The following JOSD1 variants were observed in gnomAD, a reference collection of about 807,000 sequenced individuals.
JOSD1 encodes the protein josephin-1.
A neutral mutation model predicts 24.3 loss-of-function variants in JOSD1; 11 were observed. The observed-to-expected ratio is 0.45, with a 90% CI of 0.29 to 0.75. The LOEUF (loss-of-function observed/expected upper bound fraction) is 0.75, where lower values mean the gene tolerates loss of function less well. Ranked by LOEUF, JOSD1 falls within the 30% of genes least tolerant of loss-of-function variation. The pLI is 0.11. For synonymous variants in JOSD1, 106 were observed against 93.8 expected (o/e 1.13, Z -0.75); for missense variants, 184 against 253.5 (o/e 0.73, Z 1.86).
At position 38,688,412 on chromosome 22, in the gene JOSD1, G is replaced by A. The variant is rs142975900; in HGVS notation, c.510-411C>T. On this transcript the variant is annotated intron_variant, in intron 4 of 4. Transcript: ENST00000683374. ...TGACCAGCTGGGATTACAGGCGTCC[G>A]CCACCACGCCTGGCTAATTTTTGTA... Among the ~76,000 whole-genome samples, 187 of 152,208 alleles carry A rather than the reference G, an allele frequency of 1.2e-3. 1 individual carries two copies. The highest frequency in any genetic ancestry group is 0.012 in the East Asian group (63 of 5,170).
intron 2 of JOSD1, among the ~76,000 whole-genome samples, chr22:38,692,696 G>A (rs539688013): frequency 2.2e-3 from 331 of 147,240 alleles, no homozygotes; most frequent in South Asian, 4.0e-3. Flanking sequence ...CAGGAGGATC[G>A]CTTGAACCCG....
chr22:38,692,126 T>C lies in JOSD1; in HGVS notation c.186-2702A>G, dbSNP rs555638427. On this transcript the variant is annotated intron_variant, in intron 2 of 4. Transcript: ENST00000683374. ...TACCTGTAATAATAACTATAACTTATTGAAAAATCTCTGTGCCAAGCACTA... is the reference window on the plus strand; with the variant it reads ...TACCTGTAATAATAACTATAACTTACTGAAAAATCTCTGTGCCAAGCACTA... Among the ~76,000 whole-genome samples, 4 of 152,320 alleles carry C rather than the reference T, an allele frequency of 2.6e-5. No homozygotes were observed. The East Asian group carries it at 7.7e-4, about 29-fold the overall frequency.
At chr22:38,699,686 G>A in intron 2 of JOSD1, 117 bp downstream of exon 2, 1 of 968,618 alleles carries the variant, frequency 1.0e-6, no homozygotes. Context: ...CCTTATACCT[G>A]CTAACGCAAT....
At chr22:38,698,155 C>G (rs1240293799) in intron 2 of JOSD1, among the ~76,000 whole-genome samples, 1 of 152,154 alleles carries the variant, frequency 6.6e-6, no homozygotes, top group Admixed American at 6.5e-5. Flanking sequence ...ATACTAATGG[C>G]TGGCCAAAAG....
chr22:38,699,778 G>C, intron 2 of JOSD1, 25 bp downstream of exon 2: 1 of 1,607,238 alleles, frequency 6.2e-7, no homozygotes, highest in Non-Finnish European at 8.5e-7. Context: ...TCAGTATCAA[G>C]ATGCCAAGGA....
At chr22:38,695,593 C>T (rs950973610) in intron 2 of JOSD1, among the ~76,000 whole-genome samples, 7 of 152,010 alleles carry the variant, frequency 4.6e-5, no homozygotes, top group African/African-American at 1.4e-4. Flanking sequence ...ACTACAGGCG[C>T]GAGCCCCCAT....
At chr22:38,689,266 C>T (rs1046260309) in intron 3 of JOSD1, 30 bp downstream of exon 3, 1 of 1,614,060 alleles carries the variant, frequency 6.2e-7, no homozygotes. Flanking sequence ...CCGTGCTGTT[C>T]TCCATCAAGT....
rs2092564062 is a variant in JOSD1 at position 38,700,518 on chromosome 22, GC to G, written c.-532del. 1 of 986,000 alleles carries G rather than the reference GC, an allele frequency of 1.0e-6. No individual in the cohort carries two copies. Among genetic ancestry groups the G allele is most frequent in the Non-Finnish European group, 1.2e-6 (1 of 830,410 alleles). The allele number at this position is 986,000 out of a possible 1,614,324, so 61.1% of individuals were successfully genotyped here. A position where few individuals can be genotyped will look rare whatever the true frequency, so the allele number is the denominator to read the frequency against. On this transcript the variant is annotated 5_prime_UTR_variant, in exon 2 of 5. An upstream open reading frame in the 5' UTR loses its in-frame stop. Transcript: ENST00000683374. ...CGGCAGGCGTGGGACCGCGAGCCGC[GC>G]GGGGGCCTCGGGGGCAGCCCTCCAT... is the stretch of plus-strand genomic sequence containing the variant.
chr22:38,698,859 C>T (rs541610418), intron 2 of JOSD1, among the ~76,000 whole-genome samples: 21 of 152,268 alleles, frequency 1.4e-4, no homozygotes, highest in African/African-American at 4.8e-4. Flanking sequence ...CAAGTTTATG[C>T]GATTCTCCTG....
At chr22:38,692,242 G>A (rs1399662546) in intron 2 of JOSD1, among the ~76,000 whole-genome samples, 1 of 152,156 alleles carries the variant, frequency 6.6e-6, no homozygotes. Context: ...CCATAAAACT[G>A]AGGTTTGGTG....
Position 38,700,393 on chromosome 22 carries a change from C to T in JOSD1, c.-406G>A, listed in dbSNP as rs1000264274. On this transcript the variant is annotated 5_prime_UTR_variant, in exon 2 of 5. Transcript: ENST00000683374. The stretch of plus-strand genomic sequence containing the variant: ...CCGAACACAATCGGTCACATCGCTC[C>T]TTTTCTTCCATTTCTTTTGAACCAC... The T allele has an allele frequency of 8.1e-6, 8 of 989,852 alleles. No homozygotes were observed. The highest frequency in any genetic ancestry group is 7.2e-6 in the Non-Finnish European group (6 of 832,868). The allele number at this position is 989,852 out of a possible 1,614,324, so 61.3% of individuals were successfully genotyped here.
intron 2 of JOSD1, among the ~76,000 whole-genome samples, chr22:38,694,857 C>T (rs950256464): frequency 1.8e-4 from 20 of 113,552 alleles, no homozygotes; most frequent in Admixed American, 3.1e-4. Flanking sequence ...GCGAGAGACT[C>T]AGTCTCAAAA....
intron 2 of JOSD1, among the ~76,000 whole-genome samples, chr22:38,690,165 C>T (rs970341753): frequency 5.3e-5 from 8 of 152,104 alleles, no homozygotes; most frequent in Middle Eastern, 3.4e-3. Context: ...AGGCCAGGAG[C>T]TGGGGAAAGG....
At chr22:38,695,933 A>G (rs1329134296) in intron 2 of JOSD1, among the ~76,000 whole-genome samples, 1 of 152,052 alleles carries the variant, frequency 6.6e-6, no homozygotes, top group Non-Finnish European at 1.5e-5. Context: ...GCGGGCGTCT[A>G]TACTCTCAGC....
intron 2 of JOSD1, among the ~76,000 whole-genome samples, chr22:38,696,127 T>C (rs2145815512): frequency 6.6e-6 from 1 of 152,226 alleles, no homozygotes; most frequent in African/African-American, 2.4e-5. Context: ...ACTAAAAAAC[T>C]GGGATGAGTC....
intron 4 of JOSD1, among the ~76,000 whole-genome samples, chr22:38,688,483 G>A (rs1214461577): frequency 6.6e-6 from 1 of 152,104 alleles, no homozygotes; most frequent in Non-Finnish European, 1.5e-5. Flanking sequence ...GGCTGGTCTC[G>A]AACTCCTGAC....
Position 38,700,031 on chromosome 22 carries a change from C to T in JOSD1, c.-44G>A. The T allele has an allele frequency of 6.5e-7, 1 of 1,538,258 alleles. No individual in the cohort carries two copies. Among genetic ancestry groups the T allele is most frequent in the East Asian group, 2.3e-5 (1 of 44,172 alleles). On this transcript the variant is annotated 5_prime_UTR_variant, in exon 2 of 5. Coordinates refer to ENST00000683374, the MANE Select transcript of JOSD1 (RefSeq NM_001360236.2). ...CAGAGATGGCTATAAACACCCCACTCTTCCCTCTAGAGGAAGAATGTAAGC... is the reference window on the plus strand; with the variant it reads ...CAGAGATGGCTATAAACACCCCACTTTTCCCTCTAGAGGAAGAATGTAAGC...
intron 2 of JOSD1, among the ~76,000 whole-genome samples, chr22:38,698,699 G>A (rs2092555129): frequency 6.6e-6 from 1 of 152,176 alleles, no homozygotes; most frequent in African/African-American, 2.4e-5. Context: ...AGACACCACA[G>A]AACTGACTCT....
At chr22:38,691,802 T>G (rs546653775) in intron 2 of JOSD1, among the ~76,000 whole-genome samples, 18 of 152,274 alleles carry the variant, frequency 1.2e-4, no homozygotes, top group Non-Finnish European at 1.9e-4. Flanking sequence ...TCCCAGTCAC[T>G]ACCTCACATC....
Sources: allele counts gnomAD v4.1 joint callset (sites outside exome capture counted in the v4.1 genomes callset), GRCh38; gene constraint gnomAD v4.1.1; transcripts MANE v1.5; gene names NCBI Gene and HGNC (gene_info 2026-07-23, HGNC 2026-07-21).